The following RGPD2 variants were observed in gnomAD, a reference collection of about 807,000 sequenced individuals.
RGPD2 encodes the protein RANBP2 like and GRIP domain containing 2.
Under a neutral mutation model 36.0 loss-of-function variants are expected in RGPD2, and 2 were observed. The ratio of observed to expected loss-of-function variants is 0.06; its 90% CI spans 0.02 to 0.17. The LOEUF (loss-of-function observed/expected upper bound fraction) is 0.17. Among genes scored for constraint, RGPD2 ranks in the 10% least tolerant of loss-of-function variants. The pLI is 1.00. For missense variants in RGPD2, 40 were observed against 464.3 expected, an observed-to-expected ratio of 0.09 and a Z score of 8.40; for synonymous variants, 19 against 163.8, an observed-to-expected ratio of 0.12 and a Z score of 6.75.
chr2:87,875,669 TTTG>T, the RGPD2 span, among the ~76,000 whole-genome samples: 1 of 152,012 alleles, frequency 6.6e-6, no homozygotes, highest in African/African-American at 2.4e-5. Context: ...GCTTGAAGTT[TTTG>T]TTGTTGTTGT....
At chr2:87,919,186 G>T in the RGPD2 span, among the ~76,000 whole-genome samples, 4 of 151,886 alleles carry the variant, frequency 2.6e-5, no homozygotes, top group African/African-American at 9.7e-5. Context: ...CCGAGGAGTG[G>T]GTTATATTTC....
upstream of RGPD2, among the ~76,000 whole-genome samples, chr2:87,827,330 AAGG>A (rs1178947137): frequency 3.3e-5 from 5 of 152,280 alleles, no homozygotes; most frequent in Non-Finnish European, 5.9e-5. Context: ...TGTATGGCAG[AAGG>A]AGATTTCCAT....
the RGPD2 span, among the ~76,000 whole-genome samples, chr2:87,876,229 G>T: frequency 2.9e-5 from 4 of 139,912 alleles, no homozygotes; most frequent in East Asian, 8.2e-4. Flanking sequence ...CTTCAGTTCA[G>T]CTCTGATCTT....
chr2:87,855,100 T>C, the RGPD2 span, among the ~76,000 whole-genome samples: 1 of 151,990 alleles, frequency 6.6e-6, no homozygotes, highest in Admixed American at 6.6e-5. Flanking sequence ...TTATCAACTC[T>C]AGTCACCATG....
At chr2:87,869,927 G>C in the RGPD2 span, among the ~76,000 whole-genome samples, 2 of 152,234 alleles carry the variant, frequency 1.3e-5, no homozygotes, top group African/African-American at 4.8e-5. Context: ...CTTCTGATTT[G>C]TGTTTTTCCC....
chr2:87,781,464 G>GTTTT (rs879124297), intron 20 of RGPD2, among the ~76,000 whole-genome samples: 8 of 112,604 alleles, frequency 7.1e-5, no homozygotes, highest in African/African-American at 1.4e-4. Context: ...TTGTTTTTTT[G>GTTTT]TTTTTTTTTT....
chr2:87,825,892 C>G, upstream of RGPD2: 3 of 927,458 alleles, frequency 3.2e-6, no homozygotes, highest in Non-Finnish European at 4.6e-6. Flanking sequence ...TTGGCGACGT[C>G]GGCGCTCGAG....
At chr2:87,970,094 A>G in the RGPD2 span, among the ~76,000 whole-genome samples, 387 of 151,566 alleles carry the variant, frequency 2.6e-3, 5 homozygotes, top group African/African-American at 9.3e-3. Context: ...GTTTTATACC[A>G]TGAAGTTTTT....
chr2:87,810,115 T>C (rs1345504110), intron 6 of RGPD2, among the ~76,000 whole-genome samples: 4 of 10,770 alleles, frequency 3.7e-4, no homozygotes, highest in African/African-American at 1.2e-3. Context: ...GAGCCGAGAC[T>C]GCACCACTGC....
the RGPD2 span, among the ~76,000 whole-genome samples, chr2:87,958,462 T>C: frequency 6.6e-6 from 1 of 152,240 alleles, no homozygotes; most frequent in East Asian, 1.9e-4. Context: ...TGTGGAAATA[T>C]TCCTGCATAT....
At chr2:87,958,489 G>C in the RGPD2 span, among the ~76,000 whole-genome samples, 1 of 152,246 alleles carries the variant, frequency 6.6e-6, no homozygotes, top group Admixed American at 6.5e-5. Flanking sequence ...CATATGTGCA[G>C]AATTTAAAGG....
chr2:87,956,154 GTT>G, the RGPD2 span, among the ~76,000 whole-genome samples: 5 of 132,804 alleles, frequency 3.8e-5, no homozygotes, highest in South Asian at 1.5e-3. Context: ...TTGAATGTAT[GTT>G]CTGGAACTAC....
the RGPD2 span, among the ~76,000 whole-genome samples, chr2:87,952,016 C>T: frequency 6.6e-6 from 1 of 152,188 alleles, no homozygotes; most frequent in Admixed American, 6.5e-5. Flanking sequence ...CATCTGCTTC[C>T]ACCTGTTGAG....
the RGPD2 span, among the ~76,000 whole-genome samples, chr2:87,932,243 T>A: frequency 5.0e-5 from 5 of 99,028 alleles, no homozygotes; most frequent in South Asian, 1.5e-3. Flanking sequence ...ATGTCTGTTT[T>A]GTTAGAAACT....
the RGPD2 span, among the ~76,000 whole-genome samples, chr2:87,948,135 A>C: frequency 2.0e-5 from 3 of 152,254 alleles, no homozygotes; most frequent in East Asian, 5.8e-4. Flanking sequence ...GTAATGGATT[A>C]ATAGGATTCT....
At chr2:87,883,076 T>C in the RGPD2 span, among the ~76,000 whole-genome samples, 2 of 152,288 alleles carry the variant, frequency 1.3e-5, no homozygotes, top group Admixed American at 6.5e-5. Flanking sequence ...TATGTGTCTA[T>C]TATAAAGTGT....
the RGPD2 span, among the ~76,000 whole-genome samples, chr2:87,955,207 G>T: frequency 0.016 from 2,212 of 139,176 alleles, 57 homozygotes; most frequent in African/African-American, 0.057. Context: ...GTAGAGACAG[G>T]GTTTCACCAT....
the RGPD2 span, among the ~76,000 whole-genome samples, chr2:87,864,649 T>C: frequency 6.6e-6 from 1 of 152,300 alleles, no homozygotes; most frequent in African/African-American, 2.4e-5. Flanking sequence ...AGTAAGTAGA[T>C]AGTAGATAGA....
At chr2:87,878,695 A>T in the RGPD2 span, among the ~76,000 whole-genome samples, 1 of 152,248 alleles carries the variant, frequency 6.6e-6, no homozygotes, top group Non-Finnish European at 1.5e-5. Context: ...TTATCTAAAT[A>T]TAACTATACC....
Sources: gnomAD v4.1 joint callset for allele counts (sites outside exome capture counted in the v4.1 genomes callset) on GRCh38, gnomAD v4.1.1 for gene constraint, MANE v1.5 for transcripts, NCBI Gene and HGNC (gene_info 2026-07-23, HGNC 2026-07-21) for gene names.